Variants in DLGAP2 observed in about 807,000 individuals in gnomAD.
The protein encoded by DLGAP2 is disks large-associated protein 2.
In DLGAP2, 26 loss-of-function variants were observed where a neutral mutation model predicts 100.3. The observed-to-expected ratio is 0.26, with a 90% CI of 0.19 to 0.36. DLGAP2 has a LOEUF of 0.36. Ranked by LOEUF, DLGAP2 falls within the 10% of genes least tolerant of loss-of-function variation. The pLI is 1.00. For synonymous variants in DLGAP2, 886 were observed against 630.1 expected (o/e 1.41, Z -6.08); for missense variants, 1,858 against 1,453.2 (o/e 1.28, Z -4.53).
At chr8:929,647 C>A (rs1374358975) in intron 2 of DLGAP2, among the ~76,000 whole-genome samples, 1 of 40,492 alleles carries the variant, frequency 2.5e-5, no homozygotes, top group Non-Finnish European at 4.8e-5. Context: ...CCCACACCCC[C>A]CACCATTCCC....
intron 3 of DLGAP2, among the ~76,000 whole-genome samples, chr8:1,287,045 T>A (rs1203015182): frequency 6.6e-6 from 1 of 152,258 alleles, no homozygotes; most frequent in Non-Finnish European, 1.5e-5. Context: ...AACTCAGTGT[T>A]GTGTGTGTAC....
At chr8:1,464,034 G>A (rs1339310980) in intron 3 of DLGAP2, among the ~76,000 whole-genome samples, 1 of 152,226 alleles carries the variant, frequency 6.6e-6, no homozygotes, top group African/African-American at 2.4e-5. Context: ...GAAAAAAAGG[G>A]AAATCAACAG....
chr8:1,321,864 A>G (rs982945515), intron 3 of DLGAP2, among the ~76,000 whole-genome samples: 5 of 152,204 alleles, frequency 3.3e-5, no homozygotes, highest in African/African-American at 7.2e-5. Context: ...TTTGTTTCCA[A>G]TTAGTGGAAT....
intron 8 of DLGAP2, among the ~76,000 whole-genome samples, chr8:1,636,070 C>A (rs1797758810): frequency 6.6e-6 from 1 of 152,214 alleles, no homozygotes; most frequent in African/African-American, 2.4e-5. Flanking sequence ...TTAGTGTCCT[C>A]CCCTTAAATG....
At chr8:1,428,560 T>TA (rs59145143) in intron 3 of DLGAP2, among the ~76,000 whole-genome samples, 3,778 of 152,268 alleles carry the variant, frequency 0.025, 130 homozygotes, top group African/African-American at 0.085. Flanking sequence ...TAGGTCAGAT[T>TA]GACTGCTGGG....
chr8:1,580,387 G>C (rs1367176520), intron 6 of DLGAP2, among the ~76,000 whole-genome samples: 1 of 152,174 alleles, frequency 6.6e-6, no homozygotes, highest in Non-Finnish European at 1.5e-5. Context: ...GAAGAAATCA[G>C]TGACCTTGAA....
chr8:1,093,875 G>A (rs950784761), intron 2 of DLGAP2, among the ~76,000 whole-genome samples: 4 of 152,250 alleles, frequency 2.6e-5, no homozygotes, highest in Non-Finnish European at 5.9e-5. Context: ...CAAAGGTGAC[G>A]ATGGGTGCCA....
intron 2 of DLGAP2, among the ~76,000 whole-genome samples, chr8:1,160,412 C>T (rs1352377548): frequency 6.6e-6 from 1 of 152,128 alleles, no homozygotes; most frequent in East Asian, 1.9e-4. Context: ...GATGTGGGCG[C>T]GGGCGTGAGT....
chr8:1,336,533 C>G (rs909783614), intron 3 of DLGAP2, among the ~76,000 whole-genome samples: 2 of 152,204 alleles, frequency 1.3e-5, no homozygotes, highest in Non-Finnish European at 2.9e-5. Flanking sequence ...GGAAGCCTTT[C>G]CCAGCACAGG....
chr8:774,516 G>A (rs1250863503), intron 1 of DLGAP2, among the ~76,000 whole-genome samples: 5 of 150,400 alleles, frequency 3.3e-5, no homozygotes, highest in Non-Finnish European at 5.9e-5. Context: ...ATCTTGAATT[G>A]ATTTTTGTAT....
chr8:1,343,878 C>T (rs1443894994), intron 3 of DLGAP2, among the ~76,000 whole-genome samples: 1 of 152,162 alleles, frequency 6.6e-6, no homozygotes, highest in African/African-American at 2.4e-5. Context: ...GGGAGCTCAG[C>T]CCTCTCACGC....
At chr8:746,759 C>T (rs917819564) in intron 1 of DLGAP2, among the ~76,000 whole-genome samples, 4 of 152,198 alleles carry the variant, frequency 2.6e-5, no homozygotes, top group South Asian at 2.1e-4. Flanking sequence ...AGGATTTGTG[C>T]GTTCTTACCA....
chr8:914,267 C>T (rs962777219), intron 2 of DLGAP2, among the ~76,000 whole-genome samples: 3 of 152,350 alleles, frequency 2.0e-5, no homozygotes, highest in Admixed American at 6.5e-5. Context: ...CCCCGTGACC[C>T]GCCTCTAATG....
intron 6 of DLGAP2, among the ~76,000 whole-genome samples, chr8:1,609,264 C>T (rs1471469870): frequency 7.0e-6 from 1 of 142,726 alleles, no homozygotes; most frequent in South Asian, 2.4e-4. Flanking sequence ...GAATTTTCAA[C>T]CCAGAATTTC....
intron 1 of DLGAP2, among the ~76,000 whole-genome samples, chr8:872,602 T>A (rs965214668): frequency 6.6e-6 from 1 of 152,232 alleles, no homozygotes; most frequent in African/African-American, 2.4e-5. Flanking sequence ...GTGCTGGGAT[T>A]ACAGGCGTGA....
intron 6 of DLGAP2, among the ~76,000 whole-genome samples, chr8:1,614,914 A>C (rs1338690931): frequency 1.3e-5 from 2 of 152,236 alleles, no homozygotes; most frequent in African/African-American, 4.8e-5. Context: ...GGCAGGAAGT[A>C]GAGACTATTC....
At chr8:1,523,395 C>T (rs990511288) in intron 4 of DLGAP2, among the ~76,000 whole-genome samples, 4 of 152,236 alleles carry the variant, frequency 2.6e-5, no homozygotes, top group African/African-American at 7.2e-5. Context: ...GCCGGCCTCA[C>T]GCCGGCCGAG....
At chr8:1,681,747 C>T (rs1798952911) in intron 12 of DLGAP2, among the ~76,000 whole-genome samples, 1 of 152,232 alleles carries the variant, frequency 6.6e-6, no homozygotes, top group Non-Finnish European at 1.5e-5. Flanking sequence ...ATGCTCATCC[C>T]AATGGACTAG....
intron 2 of DLGAP2, among the ~76,000 whole-genome samples, chr8:1,050,475 T>C (rs937550849): frequency 1.7e-4 from 26 of 152,324 alleles, no homozygotes; most frequent in African/African-American, 4.8e-4. Context: ...TGAGCTGTGA[T>C]GTTATGTGGA....
Sources: gnomAD v4.1 joint callset for allele counts (sites outside exome capture counted in the v4.1 genomes callset) on GRCh38, gnomAD v4.1.1 for gene constraint, MANE v1.5 for transcripts, NCBI Gene and HGNC (gene_info 2026-07-23, HGNC 2026-07-21) for gene names.